Variants in ELOVL6 observed in about 807,000 individuals in gnomAD.
ELOVL6 encodes the protein very long chain fatty acid elongase 6.
A neutral mutation model predicts 31.7 loss-of-function variants in ELOVL6; 8 were observed. The observed-to-expected ratio is 0.25, with a 90% CI of 0.15 to 0.45. ELOVL6 has a LOEUF of 0.45. ELOVL6 is among the 20% of genes least tolerant of loss of function. The pLI is 1.00. For synonymous variants in ELOVL6, 101 were observed against 117.7 expected, an observed-to-expected ratio of 0.86 and a Z score of 0.92; for missense variants, 126 against 326.4, an observed-to-expected ratio of 0.39 and a Z score of 4.73.
intron 2 of ELOVL6, among the ~76,000 whole-genome samples, chr4:110,096,047 G>A (rs1208375355): frequency 6.6e-6 from 1 of 152,144 alleles, no homozygotes; most frequent in Non-Finnish European, 1.5e-5. Flanking sequence ...TTAGTCAAGA[G>A]GTCAATCCTA....
chr4:110,173,451 G>T (rs879407699), intron 1 of ELOVL6, among the ~76,000 whole-genome samples: 46 of 151,784 alleles, frequency 3.0e-4, no homozygotes, highest in African/African-American at 1.1e-3. Context: ...TATTAGACCT[G>T]ATAAGAATGG....
chr4:110,106,413 C>T (rs773498402), intron 1 of ELOVL6, among the ~76,000 whole-genome samples: 2 of 152,044 alleles, frequency 1.3e-5, no homozygotes, highest in Non-Finnish European at 2.9e-5. Context: ...TAATTACATG[C>T]TAAACGAGGG....
chr4:110,113,881 T>TA (rs1289560717), intron 1 of ELOVL6, among the ~76,000 whole-genome samples: 1 of 152,204 alleles, frequency 6.6e-6, no homozygotes, highest in East Asian at 1.9e-4. Flanking sequence ...CTTGAAGAAA[T>TA]ACTCTTCATT....
intron 1 of ELOVL6, among the ~76,000 whole-genome samples, chr4:110,131,182 A>C (rs1229359096): frequency 3.3e-5 from 5 of 152,214 alleles, no homozygotes; most frequent in Non-Finnish European, 7.3e-5. Context: ...GTATGATTCT[A>C]ATTTACACTG....
intron 1 of ELOVL6, among the ~76,000 whole-genome samples, chr4:110,133,951 C>T (rs1757739641): frequency 6.6e-6 from 1 of 152,146 alleles, no homozygotes; most frequent in South Asian, 2.1e-4. Context: ...TAATAATATC[C>T]ATAACGCTTT....
chr4:110,084,551 C>CAGATATATATTTTTATATAT (rs1163599448), intron 2 of ELOVL6, among the ~76,000 whole-genome samples: 2 of 64,696 alleles, frequency 3.1e-5, no homozygotes, highest in Non-Finnish European at 5.2e-5. Context: ...CACACACACA[C>CAGATATATATTTTTATATAT]ACACACACAC....
chr4:110,098,011 TAAAAC>T (rs1049573030), intron 2 of ELOVL6, among the ~76,000 whole-genome samples: 2 of 152,042 alleles, frequency 1.3e-5, no homozygotes, highest in African/African-American at 4.8e-5. Context: ...AGGCTAAAGA[TAAAAC>T]AAAAACAGGT....
intron 1 of ELOVL6, among the ~76,000 whole-genome samples, chr4:110,180,261 G>A (rs1420444029): frequency 6.6e-6 from 1 of 152,164 alleles, no homozygotes; most frequent in African/African-American, 2.4e-5. Flanking sequence ...CCAGATAGCA[G>A]ATATAATGTG....
At chr4:110,129,041 A>G (rs187422352) in intron 1 of ELOVL6, among the ~76,000 whole-genome samples, 2 of 152,356 alleles carry the variant, frequency 1.3e-5, no homozygotes, top group Admixed American at 1.3e-4. Context: ...CTCAAAGGCA[A>G]ACTTTTCAAA....
chr4:110,184,557 C>T (rs1479835041), intron 1 of ELOVL6, among the ~76,000 whole-genome samples: 2 of 152,068 alleles, frequency 1.3e-5, no homozygotes, highest in African/African-American at 4.8e-5. Context: ...GGTTTTTAAC[C>T]ATTGTGATGA....
At chr4:110,131,638 A>T (rs866938953) in intron 1 of ELOVL6, among the ~76,000 whole-genome samples, 1 of 151,950 alleles carries the variant, frequency 6.6e-6, no homozygotes. Flanking sequence ...AAAACTAAAG[A>T]AAAAAAACAA....
chr4:110,123,464 G>A (rs1399556516), intron 1 of ELOVL6, among the ~76,000 whole-genome samples: 1 of 152,158 alleles, frequency 6.6e-6, no homozygotes, highest in Non-Finnish European at 1.5e-5. Flanking sequence ...CCTCGTGGAT[G>A]GAGGTTACAA....
Position 110,095,660 on chromosome 4 carries a change from A to C in ELOVL6, c.221+9837T>G, listed in dbSNP as rs1185962841. ...GAGATTGAGGTTTTAATGTATAAGC[A>C]AAAGAGTTTTAATTAAGGTTTAAAC... is the stretch of plus-strand genomic sequence containing the variant. On this transcript the variant is annotated intron_variant, in intron 2 of 3. Transcript: ENST00000302274. Among the ~76,000 whole-genome samples the C allele has an allele frequency of 2.6e-5, 4 of 152,174 alleles. No homozygotes were observed. In the East Asian group the frequency reaches 7.7e-4, roughly 29 times the overall value.
rs1339155852 is a variant in ELOVL6 at position 110,051,105 on chromosome 4, C to G, written c.*233G>C. ...TTGATAGATAAAGAGGGAATGGGGT[C>G]TTCCAGCAGCAGTGCTTGGAGATGG... On this transcript the variant is annotated 3_prime_UTR_variant, in exon 4 of 4. Transcript: ENST00000302274. This position sits in a 1 kb window ranked among gnomAD's most constrained non-coding sequence, Gnocchi z 4.8. 1.9e-6 allele frequency: 1 copy of G among 531,438 alleles called. No homozygotes were observed. Among genetic ancestry groups the G allele is most frequent in the Non-Finnish European group, 3.4e-6 (1 of 297,038 alleles). The allele number at this position is 531,438 out of a possible 1,614,324, so 32.9% of individuals were successfully genotyped here. A position where few individuals can be genotyped will look rare whatever the true frequency, so the allele number is the denominator to read the frequency against.
At position 110,171,365 on chromosome 4, in the gene ELOVL6, C is replaced by T. The variant is rs889609302; in HGVS notation, c.89+26882G>A. Among the ~76,000 whole-genome samples, 16 of 151,922 alleles carry T rather than the reference C, an allele frequency of 1.1e-4. No individual in the cohort carries two copies. In the East Asian group the frequency reaches 1.2e-3, roughly 11 times the overall value. On this transcript the variant is annotated intron_variant, in intron 1 of 3. Transcript: ENST00000302274. ...CAGAGGTTGCAGTGAGCCAAGATCG[C>T]GCCATTGCACTCCAGCCTGGGCAAC...
chr4:110,080,849 T>C (rs1395961943), intron 2 of ELOVL6, among the ~76,000 whole-genome samples: 13 of 152,096 alleles, frequency 8.5e-5, no homozygotes, highest in African/African-American at 2.4e-4. Flanking sequence ...AACCCCATCA[T>C]CTCAGCCCAA....
intron 2 of ELOVL6, among the ~76,000 whole-genome samples, chr4:110,104,610 T>C (rs890986915): frequency 6.6e-6 from 1 of 152,220 alleles, no homozygotes; most frequent in African/African-American, 2.4e-5. Context: ...TTTATAAATA[T>C]GAAAATTAAT....
At chr4:110,102,672 A>AT in intron 2 of ELOVL6, among the ~76,000 whole-genome samples, 1 of 152,118 alleles carries the variant, frequency 6.6e-6, no homozygotes, top group East Asian at 1.9e-4. Flanking sequence ...AAAAAAAAAA[A>AT]GTAAAGATGA....
intron 1 of ELOVL6, among the ~76,000 whole-genome samples, chr4:110,106,081 G>T (rs575590413): frequency 2.0e-5 from 3 of 152,254 alleles, no homozygotes; most frequent in Non-Finnish European, 4.4e-5. Flanking sequence ...TCTTGGGTGG[G>T]TGTGGTGGCT....
Sources: gnomAD v4.1 joint callset for allele counts (sites outside exome capture counted in the v4.1 genomes callset) on GRCh38, gnomAD v4.1.1 for gene constraint, Gnocchi (gnomAD v3.1) non-coding constraint, MANE v1.5 for transcripts, NCBI Gene and HGNC (gene_info 2026-07-23, HGNC 2026-07-21) for gene names.